Variants in ARL11 observed in about 807,000 individuals in gnomAD.
ARL11 encodes ARF like GTPase 11.
For missense variants in ARL11, 239 were observed against 250.6 expected (o/e 0.95, Z 0.31); for synonymous variants, 91 against 111.2 (o/e 0.82, Z 1.15).
rs918968361 is a variant in ARL11 at position 49,631,320 on chromosome 13, G to A, written c.*282G>A. 5.5e-5 allele frequency: 15 copies of A among 274,372 alleles called. No homozygotes were observed. The highest frequency in any genetic ancestry group is 3.1e-4 in the African/African-American group (14 of 44,614). The allele number at this position is 274,372 out of a possible 1,614,324, so 17.0% of individuals were successfully genotyped here. On this transcript the variant is annotated 3_prime_UTR_variant, in exon 2 of 2. Coordinates refer to ENST00000282026, the MANE Select transcript of ARL11 (RefSeq NM_138450.6). ...CTTGGGAGGCTGAGGCAGGAGAATC[G>A]CTTGAGCCCAAGAGGTAGAGGTTGC...
Position 49,630,985 on chromosome 13 carries a change from T to C in ARL11, c.538T>C (p.Cys180Arg). 6.2e-7 allele frequency: 1 copy of C among 1,609,232 alleles called. No homozygotes were observed. The highest frequency in any genetic ancestry group is 2.2e-5 in the East Asian group (1 of 44,708). ...CCTCCTGAAATCTCGCAGCTGCATG[T>C]GTCTGCAGGCGAGAGCCCATGGGGC... is the stretch of plus-strand genomic sequence containing the variant. ...WSLLKSRSCM[C>R]LQARAHGAER... Residue 180 changes from cysteine (C) to arginine (R), a missense_variant, in exon 2 of 2, where the codon TGT (cysteine) becomes CGT (arginine). Coordinates refer to ENST00000282026, the MANE Select transcript of ARL11 (RefSeq NM_138450.6).
In ARL11 at chr13:49,632,340, G is replaced by C. The variant is rs1053385944; in HGVS notation, c.*1302G>C. The stretch of plus-strand genomic sequence containing the variant: ...GTGAATTCTGAAGATACAGATGACA[G>C]TGACGAATGCCTTCTGTCTCATGAT... On this transcript the variant is annotated 3_prime_UTR_variant, in exon 2 of 2. Coordinates refer to ENST00000282026, the MANE Select transcript of ARL11 (RefSeq NM_138450.6). 1 of 167,100 alleles carries C rather than the reference G, an allele frequency of 6.0e-6. No individual in the cohort carries two copies. Among genetic ancestry groups the C allele is most frequent in the Non-Finnish European group, 1.5e-5 (1 of 68,130 alleles). 10.4% of individuals were successfully genotyped at this position (167,100 alleles called of 1,614,324 possible).
In ARL11 at chr13:49,633,084, T is replaced by A. The variant is rs9526582; in HGVS notation, c.*2046T>A. The A allele has an allele frequency of 1.2e-5, 2 of 166,568 alleles. No homozygotes were observed. Among genetic ancestry groups the A allele is most frequent in the African/African-American group, 2.4e-5 (1 of 41,412 alleles). 10.3% of individuals were successfully genotyped at this position (166,568 alleles called of 1,614,324 possible). ...ATTCCCATTTTATAAAACTACAAAC[T>A]GAGGCTCAGAGAAGGTGTGACCTCT... On this transcript the variant is annotated 3_prime_UTR_variant, in exon 2 of 2. Transcript: ENST00000282026.
At chr13:49,630,211 C>A (rs1964867025) in intron 1 of ARL11, 1 of 465,120 alleles carries the variant, frequency 2.1e-6, no homozygotes, top group Non-Finnish European at 3.9e-6. Flanking sequence ...CCGTTGTTTG[C>A]CTGCACAGAT....
chr13:49,631,150 A>C lies in ARL11; in HGVS notation c.*112A>C. ...AAATGCTGGCTTGGCCCGGTGGCTC[A>C]TGCCTGTAATCCCAGCACTGTGGGA... On this transcript the variant is annotated 3_prime_UTR_variant, in exon 2 of 2. Coordinates refer to ENST00000282026, the MANE Select transcript of ARL11 (RefSeq NM_138450.6). 9.4e-7 allele frequency: 1 copy of C among 1,067,764 alleles called. No homozygotes were observed. The highest frequency in any genetic ancestry group is 1.3e-6 in the Non-Finnish European group (1 of 745,794). 66.1% of individuals were successfully genotyped at this position (1,067,764 alleles called of 1,614,324 possible). A position where few individuals can be genotyped will look rare whatever the true frequency, so the allele number is the denominator to read the frequency against.
In ARL11 at chr13:49,633,401, G is replaced by A. The variant is rs978581466; in HGVS notation, c.*2363G>A. The A allele has an allele frequency of 6.0e-6, 1 of 167,090 alleles. No homozygotes were observed. 10.4% of individuals were successfully genotyped at this position (167,090 alleles called of 1,614,324 possible). A position where few individuals can be genotyped will look rare whatever the true frequency, so the allele number is the denominator to read the frequency against. ...GATAGAAAACAAAACTGGAATGGGA[G>A]TTTAGGTCCAATTTGGGCAAGGTTG... On this transcript the variant is annotated 3_prime_UTR_variant, in exon 2 of 2. Coordinates refer to ENST00000282026, the MANE Select transcript of ARL11 (RefSeq NM_138450.6).
chr13:49,631,996 G>A lies in ARL11; in HGVS notation c.*958G>A, dbSNP rs1964892998. Reference sequence around the variant, plus strand: ...CCCATACAACAGCAGGGGTCTGCAGGTTAGACGTTCCCTGCCCTGGGACGC... The same window carrying A: ...CCCATACAACAGCAGGGGTCTGCAGATTAGACGTTCCCTGCCCTGGGACGC... On this transcript the variant is annotated 3_prime_UTR_variant, in exon 2 of 2. Transcript: ENST00000282026. 1.2e-5 allele frequency: 2 copies of A among 167,080 alleles called. No individual in the cohort carries two copies. The highest frequency in any genetic ancestry group is 2.9e-5 in the Non-Finnish European group (2 of 68,112). 10.3% of individuals were successfully genotyped at this position (167,080 alleles called of 1,614,324 possible).
In ARL11 at chr13:49,630,542, T is replaced by G; in HGVS notation, c.95T>G (p.Leu32Arg). The G allele has an allele frequency of 1.2e-6, 2 of 1,614,048 alleles. No individual in the cohort carries two copies. The highest frequency in any genetic ancestry group is 1.7e-6 in the Non-Finnish European group (2 of 1,180,026). Residue 32 changes from leucine (L) to arginine (R), a missense_variant, in exon 2 of 2, where the codon CTG becomes CGG. Physicochemically the swap from Leu to Arg is moderately radical, Grantham distance 102. Coordinates refer to ENST00000282026, the MANE Select transcript of ARL11 (RefSeq NM_138450.6). ...SAGKTTLLYK[L>R]KGHQLVETLP... ...GGCAAGACCACGCTCCTTTACAAGC[T>G]GAAGGGCCACCAGCTGGTGGAGACC... is the stretch of plus-strand genomic sequence containing the variant.
chr13:49,633,377 A>T lies in ARL11; in HGVS notation c.*2339A>T, dbSNP rs1251659458. The stretch of plus-strand genomic sequence containing the variant: ...AAGGGTGGGTGAAGTTGACATCACG[A>T]TAGAAAACAAAACTGGAATGGGAGT... On this transcript the variant is annotated 3_prime_UTR_variant, in exon 2 of 2. Transcript: ENST00000282026. 6.0e-6 allele frequency: 1 copy of T among 167,094 alleles called. No individual in the cohort carries two copies. Among genetic ancestry groups the T allele is most frequent in the African/African-American group, 2.4e-5 (1 of 41,448 alleles). 10.4% of individuals were successfully genotyped at this position (167,094 alleles called of 1,614,324 possible).
At chr13:49,630,051 C>G (rs758835380) in intron 1 of ARL11, 2 of 163,654 alleles carry the variant, frequency 1.2e-5, no homozygotes. Flanking sequence ...TTCCAGGAGG[C>G]CCCTGATCTT....
Position 49,630,995 on chromosome 13 carries a change from C to G in ARL11, c.548C>G (p.Ala183Gly). Reference sequence around the variant, plus strand: ...TCTCGCAGCTGCATGTGTCTGCAGGCGAGAGCCCATGGGGCTGAGCGCGGA... The same window carrying G: ...TCTCGCAGCTGCATGTGTCTGCAGGGGAGAGCCCATGGGGCTGAGCGCGGA... ...LKSRSCMCLQ[A>G]RAHGAERGDS... The change falls in exon 2 of 2, where the codon GCG (alanine) becomes GGG (glycine). Residue 183 changes from alanine to glycine, a missense_variant. Ala to Gly is a moderately conservative substitution (Grantham distance 60). Coordinates refer to ENST00000282026, the MANE Select transcript of ARL11 (RefSeq NM_138450.6). 6.2e-7 allele frequency: 1 copy of G among 1,606,370 alleles called. No homozygotes were observed. Among genetic ancestry groups the G allele is most frequent in the Non-Finnish European group, 8.5e-7 (1 of 1,176,432 alleles).
chr13:49,629,814 C>T (rs1189791323), intron 1 of ARL11, among the ~76,000 whole-genome samples: 8 of 152,176 alleles, frequency 5.3e-5, no homozygotes. Context: ...TAGTACTGGT[C>T]CTTGGGAAGC....
chr13:49,629,802 CAT>C (rs1013447218), intron 1 of ARL11, among the ~76,000 whole-genome samples: 14 of 152,300 alleles, frequency 9.2e-5, no homozygotes, highest in Admixed American at 3.9e-4. Context: ...GTTTCCAAGA[CAT>C]AGTACTGGTC....
At chr13:49,629,157 G>A (rs1312110858) in intron 1 of ARL11, among the ~76,000 whole-genome samples, 1 of 152,116 alleles carries the variant, frequency 6.6e-6, no homozygotes, top group Non-Finnish European at 1.5e-5. Flanking sequence ...CAGCTACTGG[G>A]GAGGCTGAGG....
At chr13:49,629,444 C>T (rs1964858501) in intron 1 of ARL11, among the ~76,000 whole-genome samples, 1 of 152,198 alleles carries the variant, frequency 6.6e-6, no homozygotes, top group South Asian at 2.1e-4. Context: ...TGCATGAAGA[C>T]ATTTCAGTCA....
rs1964895695 is a variant in ARL11 at position 49,632,243 on chromosome 13, A to T, written c.*1205A>T. On this transcript the variant is annotated 3_prime_UTR_variant, in exon 2 of 2. Transcript: ENST00000282026. The stretch of plus-strand genomic sequence containing the variant: ...TTATTTATTCATTAATTTAACAAAA[A>T]AAACAGAGCATTTAGTTTGTGGCAA... 6.0e-6 allele frequency: 1 copy of T among 167,064 alleles called. No homozygotes were observed. The highest frequency in any genetic ancestry group is 2.4e-5 in the African/African-American group (1 of 41,442). 10.3% of individuals were successfully genotyped at this position (167,064 alleles called of 1,614,324 possible).
intron 1 of ARL11, 116 bp from the exon 2 acceptor site, chr13:49,630,314 C>A: frequency 1.4e-6 from 1 of 731,032 alleles, no homozygotes; most frequent in Non-Finnish European, 2.3e-6. Flanking sequence ...TCAAGTGATC[C>A]TCCTGCCTTG....
Position 49,630,509 on chromosome 13 carries a change from A to C in ARL11, c.62A>C (p.Asp21Ala), listed in dbSNP as rs1462086461. ...GCCCAGGTGGTGATGATGGGCCTGG[A>C]CTCGGCGGGCAAGACCACGCTCCTT... ...AEAQVVMMGLDSAGKTTLLYK... is the reference protein window; with the variant it reads ...AEAQVVMMGLASAGKTTLLYK... Residue 21 changes from aspartate to alanine, a missense_variant, in exon 2 of 2, where the codon GAC becomes GCC. Coordinates refer to ENST00000282026, the MANE Select transcript of ARL11 (RefSeq NM_138450.6). 1 of 1,613,858 alleles carries C rather than the reference A, an allele frequency of 6.2e-7. No individual in the cohort carries two copies. Among genetic ancestry groups the C allele is most frequent in the Non-Finnish European group, 8.5e-7 (1 of 1,180,008 alleles).
intron 1 of ARL11, 109 bp from the exon 2 acceptor site, chr13:49,630,321 C>T (rs1964868181): frequency 1.3e-6 from 1 of 774,972 alleles, no homozygotes; most frequent in East Asian, 2.5e-5. Flanking sequence ...ATCCTCCTGC[C>T]TTGGCCTCCC....
Sources: gnomAD v4.1 joint callset for allele counts (sites outside exome capture counted in the v4.1 genomes callset) on GRCh38, gnomAD v4.1.1 for gene constraint, MANE v1.5 for transcripts, NCBI Gene and HGNC (gene_info 2026-07-23, HGNC 2026-07-21) for gene names.